Variants in SCN2A observed in about 807,000 individuals in gnomAD.
SCN2A encodes the protein sodium voltage-gated channel alpha subunit 2.
A neutral mutation model predicts 188.7 loss-of-function variants in SCN2A; 20 were observed. That is an observed-to-expected ratio of 0.11 (90% confidence interval 0.07 to 0.15). The LOEUF (loss-of-function observed/expected upper bound fraction) is 0.15, where lower values mean the gene tolerates loss of function less well. Among genes scored for constraint, SCN2A ranks in the 10% least tolerant of loss-of-function variants. The pLI, the probability that SCN2A is intolerant of heterozygous loss-of-function variation, is 1.00. For missense variants in SCN2A, 1,278 were observed against 2,445.0 expected, an observed-to-expected ratio of 0.52 and a Z score of 10.07; for synonymous variants, 804 against 833.1, an observed-to-expected ratio of 0.97 and a Z score of 0.60.
At chr2:165,277,788 C>T (rs559658611) in intron 1 of SCN2A, among the ~76,000 whole-genome samples, 77 of 152,278 alleles carry the variant, frequency 5.1e-4, no homozygotes, top group African/African-American at 1.6e-3. Context: ...CCTCTAGAAT[C>T]GACAGAGGCT....
chr2:165,305,346 T>C (rs1697060607), intron 3 of SCN2A, among the ~76,000 whole-genome samples: 2 of 152,212 alleles, frequency 1.3e-5, no homozygotes, highest in Non-Finnish European at 2.9e-5. Context: ...AGATGTCCTA[T>C]GGACAATCAA....
chr2:165,334,578 A>G (rs1477242526), intron 14 of SCN2A, among the ~76,000 whole-genome samples: 1 of 151,872 alleles, frequency 6.6e-6, no homozygotes, highest in African/African-American at 2.4e-5. Flanking sequence ...AAAGTGTTTC[A>G]TGATAAAAAC....
At chr2:165,364,642 G>GTA (rs1168712560) in intron 17 of SCN2A, among the ~76,000 whole-genome samples, 1 of 152,112 alleles carries the variant, frequency 6.6e-6, no homozygotes, top group Non-Finnish European at 1.5e-5. Flanking sequence ...TAACAATCTG[G>GTA]TATATGTTTT....
chr2:165,339,895 G>A (rs1402005544), intron 14 of SCN2A, among the ~76,000 whole-genome samples: 2 of 152,068 alleles, frequency 1.3e-5, no homozygotes, highest in Non-Finnish European at 2.9e-5. Flanking sequence ...CTGACTTCAA[G>A]GCTTGTTATA....
intron 1 of SCN2A, chr2:165,273,644 G>A (rs1460736632): frequency 3.3e-5 from 5 of 152,032 alleles, no homozygotes. Flanking sequence ...ATAAAATGTA[G>A]TTTATAATTT....
chr2:165,302,076 T>G (rs1696843504), intron 3 of SCN2A, among the ~76,000 whole-genome samples: 1 of 152,226 alleles, frequency 6.6e-6, no homozygotes, highest in African/African-American at 2.4e-5. Context: ...GCTTCTTAGT[T>G]GCTCCAACTT....
chr2:165,312,415 T>A (rs1439637197), intron 8 of SCN2A, among the ~76,000 whole-genome samples: 1 of 152,154 alleles, frequency 6.6e-6, no homozygotes, highest in African/African-American at 2.4e-5. Flanking sequence ...ATTTTATATA[T>A]ACTAATGTGT....
intron 11 of SCN2A, among the ~76,000 whole-genome samples, chr2:165,322,383 C>G (rs1698120362): frequency 6.6e-6 from 1 of 152,142 alleles, no homozygotes; most frequent in Non-Finnish European, 1.5e-5. Flanking sequence ...CCCAGATAAC[C>G]TGGTCTGAGA....
chr2:165,314,283 A>G (rs1253849692), intron 10 of SCN2A, among the ~76,000 whole-genome samples, 175 bp downstream of exon 10: 1 of 152,154 alleles, frequency 6.6e-6, no homozygotes, highest in Non-Finnish European at 1.5e-5. Context: ...ATCTCTGTCA[A>G]TAGTGTCAAT....
chr2:165,358,029 C>T (rs1280507231), intron 17 of SCN2A, among the ~76,000 whole-genome samples: 1 of 152,066 alleles, frequency 6.6e-6, no homozygotes. Flanking sequence ...AGTCTGACAA[C>T]CCTAACTTAA....
In SCN2A at chr2:165,389,554, C is replaced by T; in HGVS notation, c.5748C>T (p.Tyr1916=). 2 of 1,613,932 alleles carry T rather than the reference C, an allele frequency of 1.2e-6. No individual in the cohort carries two copies. The highest frequency in any genetic ancestry group is 1.7e-6 in the Non-Finnish European group (2 of 1,179,964). The change falls in exon 27 of 27, where the codon TAC becomes TAT. Residue 1916 remains tyrosine (Y), a synonymous_variant. Transcript: ENST00000375437. The surrounding 1 kb of genome is among the most constrained non-coding windows in gnomAD (Gnocchi z 4.2). ...EVSAIIIQRA[Y]RRYLLKQKVK... ...CTGCTATTATTATCCAGAGGGCTTA[C>T]AGACGCTACCTCTTGAAGCAAAAAG...
chr2:165,281,088 G>T (rs553683049), intron 1 of SCN2A, among the ~76,000 whole-genome samples: 3 of 152,220 alleles, frequency 2.0e-5, no homozygotes, highest in Admixed American at 6.5e-5. Context: ...AGGCAAGGTG[G>T]CATGTGCCTC....
intron 1 of SCN2A, among the ~76,000 whole-genome samples, chr2:165,250,797 G>GT (rs1034062353): frequency 2.0e-5 from 3 of 151,978 alleles, no homozygotes; most frequent in African/African-American, 7.2e-5. Flanking sequence ...CAAGGAATGT[G>GT]TTTTTTGCAG....
chr2:165,274,426 A>T (rs1053184493), intron 1 of SCN2A: 2 of 151,866 alleles, frequency 1.3e-5, no homozygotes, highest in African/African-American at 4.8e-5. Flanking sequence ...TGAACCGAGG[A>T]ACAGAGTGGT....
At chr2:165,279,026 G>A (rs557109904) in intron 1 of SCN2A, among the ~76,000 whole-genome samples, 2 of 152,106 alleles carry the variant, frequency 1.3e-5, no homozygotes, top group Admixed American at 6.6e-5. Flanking sequence ...AGGGAAGGAA[G>A]CATTCTTTAC....
chr2:165,384,384 G>A (rs918802189), intron 25 of SCN2A, among the ~76,000 whole-genome samples: 1 of 152,054 alleles, frequency 6.6e-6, no homozygotes, highest in Non-Finnish European at 1.5e-5. Context: ...AAGATCTTCA[G>A]AATTATACAT....
rs1240757024 is a variant in SCN2A at position 165,344,848 on chromosome 2, G to A, written c.2856G>A (p.Glu952=). 1.2e-6 allele frequency: 2 copies of A among 1,614,178 alleles called. No homozygotes were observed. The highest frequency in any genetic ancestry group is 1.7e-5 in the Admixed American group (1 of 60,016). Residue 952 remains glutamate (E), a synonymous_variant, in exon 16 of 27, where the codon GAG becomes GAA. Transcript: ENST00000375437. ...TAGAGACCATGTGGGACTGTATGGA[G>A]GTCGCTGGCCAAACCATGTGCCTTA... The part of the protein sequence containing the change: ...EWIETMWDCM[E]VAGQTMCLTV...
At chr2:165,308,551 A>C (rs983005385) in intron 4 of SCN2A, 115 bp from the exon 5 acceptor site, 2 of 1,064,632 alleles carry the variant, frequency 1.9e-6, no homozygotes, top group African/African-American at 3.1e-5. Context: ...TCTATATCGT[A>C]GGGGGACCAA....
chr2:165,377,942 T>C (rs1324802667), intron 23 of SCN2A, among the ~76,000 whole-genome samples: 1 of 151,912 alleles, frequency 6.6e-6, no homozygotes, highest in African/African-American at 2.4e-5. Context: ...TTGGCTCTGA[T>C]AGTCCTGGTC....
Sources: allele counts gnomAD v4.1 joint callset (sites outside exome capture counted in the v4.1 genomes callset), GRCh38; gene constraint gnomAD v4.1.1; non-coding constraint Gnocchi (gnomAD v3.1); transcripts MANE v1.5; gene names NCBI Gene and HGNC (gene_info 2026-07-23, HGNC 2026-07-21).